Variants in TENM4 observed in about 807,000 individuals in gnomAD.
TENM4 encodes teneurin transmembrane protein 4.
A neutral mutation model predicts 243.3 loss-of-function variants in TENM4; 82 were observed. The observed-to-expected ratio is 0.34, with a 90% CI of 0.28 to 0.40. The LOEUF is 0.40. Ranked by LOEUF, TENM4 falls within the 10% of genes least tolerant of loss-of-function variation. The probability of loss-of-function intolerance (pLI) is 1.00; values close to 1 mark genes in which losing one functional copy is unlikely to be tolerated. For missense variants in TENM4, 3,138 were observed against 3,673.3 expected, an observed-to-expected ratio of 0.85 and a Z score of 3.77; for synonymous variants, 1,412 against 1,456.3, an observed-to-expected ratio of 0.97 and a Z score of 0.69.
intron 12 of TENM4, among the ~76,000 whole-genome samples, chr11:78,845,500 A>AC (rs1481442210): frequency 6.6e-6 from 1 of 152,048 alleles, no homozygotes; most frequent in Non-Finnish European, 1.5e-5. Flanking sequence ...GGTCAGCTCT[A>AC]CCCCCAACTG....
At chr11:79,313,538 C>T (rs191483876) in intron 1 of TENM4, among the ~76,000 whole-genome samples, 107 of 152,320 alleles carry the variant, frequency 7.0e-4, no homozygotes, top group African/African-American at 2.6e-3. Flanking sequence ...ACAGAAAGAG[C>T]TCCATTCCTG....
At chr11:79,378,701 C>G (rs1014743345) in intron 1 of TENM4, among the ~76,000 whole-genome samples, 5 of 152,004 alleles carry the variant, frequency 3.3e-5, no homozygotes, top group African/African-American at 1.2e-4. Flanking sequence ...TCAGCAGCCT[C>G]ACCTGTAAAA....
chr11:78,690,037 G>A (rs1056581144), intron 28 of TENM4, among the ~76,000 whole-genome samples: 2 of 152,124 alleles, frequency 1.3e-5, no homozygotes, highest in Non-Finnish European at 2.9e-5. Flanking sequence ...CTCTCCTGTG[G>A]GTGGTTGGGG....
At chr11:78,903,082 T>C (rs1855967917) in intron 7 of TENM4, among the ~76,000 whole-genome samples, 186 bp downstream of exon 7, 1 of 152,170 alleles carries the variant, frequency 6.6e-6, no homozygotes, top group Non-Finnish European at 1.5e-5. Context: ...CACTGGACCT[T>C]GGGTCTCTCG....
chr11:79,435,487 G>A (rs997540031), intron 1 of TENM4, among the ~76,000 whole-genome samples: 2 of 152,148 alleles, frequency 1.3e-5, no homozygotes, highest in African/African-American at 4.8e-5. Context: ...GGTAGAAATC[G>A]GCCCCTTAGA....
chr11:78,856,611 T>A (rs1290981179), intron 10 of TENM4, among the ~76,000 whole-genome samples: 4 of 151,096 alleles, frequency 2.6e-5, no homozygotes, highest in Non-Finnish European at 5.9e-5. Context: ...TCAGAATGAG[T>A]CCCCCAGCAG....
At chr11:78,936,704 C>A (rs1856792884) in intron 6 of TENM4, among the ~76,000 whole-genome samples, 3 of 152,140 alleles carry the variant, frequency 2.0e-5, no homozygotes, top group Non-Finnish European at 4.4e-5. Flanking sequence ...TTGTAGAAAC[C>A]AGCAGATGTG....
chr11:78,887,284 A>C (rs1855568162), intron 9 of TENM4, among the ~76,000 whole-genome samples: 1 of 152,182 alleles, frequency 6.6e-6, no homozygotes, highest in Non-Finnish European at 1.5e-5. Flanking sequence ...CTGTATGTCT[A>C]CTTCTGGCTA....
intron 1 of TENM4, among the ~76,000 whole-genome samples, chr11:79,396,531 C>A (rs1336054964): frequency 1.3e-5 from 2 of 152,194 alleles, no homozygotes; most frequent in Non-Finnish European, 2.9e-5. Context: ...GCCTTCCTGG[C>A]TCCCAAAGCA....
intron 12 of TENM4, among the ~76,000 whole-genome samples, chr11:78,834,459 G>C (rs1249536735): frequency 6.6e-6 from 1 of 152,150 alleles, no homozygotes; most frequent in Non-Finnish European, 1.5e-5. Flanking sequence ...ATGCCAAAAA[G>C]CTCTGTGTCA....
At chr11:79,252,473 G>A (rs1269412847) in intron 2 of TENM4, among the ~76,000 whole-genome samples, 4 of 152,120 alleles carry the variant, frequency 2.6e-5, no homozygotes, top group African/African-American at 7.2e-5. Flanking sequence ...TCCTGACCTC[G>A]TGATCCGCCC....
intron 28 of TENM4, among the ~76,000 whole-genome samples, chr11:78,700,803 C>A (rs961391436): frequency 6.6e-6 from 1 of 152,108 alleles, no homozygotes; most frequent in South Asian, 2.1e-4. Context: ...GGCAGAGAAA[C>A]CTACCCTTTA....
chr11:79,274,774 C>A (rs1856025147), intron 2 of TENM4, among the ~76,000 whole-genome samples: 1 of 152,186 alleles, frequency 6.6e-6, no homozygotes, highest in Admixed American at 6.5e-5. Flanking sequence ...GTTTGGTTCA[C>A]CAAGAAAGCA....
intron 6 of TENM4, among the ~76,000 whole-genome samples, chr11:79,001,302 T>C (rs1858318501): frequency 6.6e-6 from 1 of 151,874 alleles, no homozygotes; most frequent in South Asian, 2.1e-4. Flanking sequence ...AAGACATTGA[T>C]AGTGGATGAA....
At chr11:78,883,364 C>T (rs1003336624) in intron 9 of TENM4, among the ~76,000 whole-genome samples, 3 of 152,316 alleles carry the variant, frequency 2.0e-5, no homozygotes, top group African/African-American at 7.2e-5. Context: ...AATGGCTAAA[C>T]AGCTGGAGAG....
intron 1 of TENM4, among the ~76,000 whole-genome samples, chr11:79,357,348 C>T (rs1421337590): frequency 1.3e-5 from 2 of 152,242 alleles, no homozygotes; most frequent in African/African-American, 4.8e-5. Flanking sequence ...AGGCCACTTT[C>T]ATAGCCAACT....
chr11:78,728,503 C>T (rs933421537), intron 22 of TENM4, among the ~76,000 whole-genome samples: 2 of 151,414 alleles, frequency 1.3e-5, no homozygotes, highest in Non-Finnish European at 2.9e-5. Context: ...GCTTCTGCTC[C>T]CTCCCTCCCT....
intron 21 of TENM4, 97 bp from the exon 22 acceptor site, chr11:78,729,740 T>G (rs1168815469): frequency 2.1e-5 from 30 of 1,424,782 alleles, no homozygotes; most frequent in South Asian, 3.0e-5. Context: ...GTTCAGGAGG[T>G]AGAGGGAAAG....
chr11:79,292,279 C>T (rs1856369754), intron 2 of TENM4, among the ~76,000 whole-genome samples: 1 of 152,160 alleles, frequency 6.6e-6, no homozygotes, highest in African/African-American at 2.4e-5. Flanking sequence ...CCCTCGACCA[C>T]CAATGAGCAT....
Sources: allele counts gnomAD v4.1 joint callset (sites outside exome capture counted in the v4.1 genomes callset), GRCh38; gene constraint gnomAD v4.1.1; transcripts MANE v1.5; gene names NCBI Gene and HGNC (gene_info 2026-07-23, HGNC 2026-07-21).